Variants in PAPPA2 observed in about 807,000 individuals in gnomAD.
The protein encoded by PAPPA2 is pappalysin-2.
A neutral mutation model predicts 176.4 loss-of-function variants in PAPPA2; 86 were observed. The observed-to-expected ratio is 0.49, with a 90% confidence interval of 0.41 to 0.58. The LOEUF is 0.58. Among genes scored for constraint, PAPPA2 ranks in the 20% least tolerant of loss-of-function variants. PAPPA2 has a pLI of 0.00. For missense variants in PAPPA2, 2,073 were observed against 2,256.9 expected, an observed-to-expected ratio of 0.92 and a Z score of 1.65; for synonymous variants, 809 against 852.2, an observed-to-expected ratio of 0.95 and a Z score of 0.88.
Position 176,834,491 on chromosome 1 carries a change from T to C in PAPPA2, c.5203-5682T>C, listed in dbSNP as rs183047560. Among the ~76,000 whole-genome samples the C allele has an allele frequency of 6.6e-5, 10 of 152,282 alleles. No individual in the cohort carries two copies. In the East Asian group the frequency reaches 1.9e-3, roughly 29 times the overall value. The stretch of plus-strand genomic sequence containing the variant: ...GCAGCAAAACGTCTGGTTTTAGCAT[T>C]CTGAGTCTTGGAAATAAGTGTTTCT... On this transcript the variant is annotated intron_variant, in intron 21 of 22. Coordinates refer to ENST00000367662, the MANE Select transcript of PAPPA2 (RefSeq NM_020318.3).
chr1:176,480,211 G>T (rs1652327621), intron 1 of PAPPA2, among the ~76,000 whole-genome samples: 1 of 152,166 alleles, frequency 6.6e-6, no homozygotes, highest in Admixed American at 6.5e-5. Flanking sequence ...GCCCAGCTTG[G>T]CTTGGCAGTA....
chr1:176,586,322 A>C (rs1270452624), intron 2 of PAPPA2, among the ~76,000 whole-genome samples: 1 of 151,994 alleles, frequency 6.6e-6, no homozygotes, highest in Admixed American at 6.6e-5. Flanking sequence ...TTTTTATTAG[A>C]TATTTTTCTT....
chr1:176,559,676 A>G (rs1651542399), intron 2 of PAPPA2, among the ~76,000 whole-genome samples: 1 of 152,150 alleles, frequency 6.6e-6, no homozygotes. Flanking sequence ...GTCTATTCCT[A>G]CGATGGCTGG....
At chr1:176,612,725 A>G (rs1240485771) in intron 3 of PAPPA2, among the ~76,000 whole-genome samples, 1 of 152,198 alleles carries the variant, frequency 6.6e-6, no homozygotes, top group Non-Finnish European at 1.5e-5. Context: ...TTATGCAAAA[A>G]TCCAGTATCA....
intron 3 of PAPPA2, among the ~76,000 whole-genome samples, chr1:176,653,251 C>T (rs1047507656): frequency 3.3e-5 from 5 of 151,722 alleles, no homozygotes; most frequent in African/African-American, 7.3e-5. Context: ...TCATCTCATT[C>T]AGCACTCTTA....
At chr1:176,827,822 A>T (rs189026608) in intron 21 of PAPPA2, among the ~76,000 whole-genome samples, 3 of 152,312 alleles carry the variant, frequency 2.0e-5, no homozygotes, top group Admixed American at 2.0e-4. Context: ...GGCTTATAGT[A>T]AAATAGATGT....
chr1:176,839,636 A>G (rs1557904927), intron 21 of PAPPA2, among the ~76,000 whole-genome samples: 1 of 152,174 alleles, frequency 6.6e-6, no homozygotes, highest in South Asian at 2.1e-4. Context: ...TCTTCAGTGC[A>G]CCAGGAGAGG....
rs1219408573 is a variant in PAPPA2, at chr1:176,622,385, G to A, written c.1991+26790G>A. 3.3e-5 allele frequency among the ~76,000 whole-genome samples: 5 copies of A among 152,116 alleles called. No homozygotes were observed. The East Asian group carries it at 9.6e-4, about 29-fold the overall frequency. On this transcript the variant is annotated intron_variant, in intron 3 of 22. Coordinates refer to ENST00000367662, the MANE Select transcript of PAPPA2 (RefSeq NM_020318.3). ...TCTCACAGTTTGCTAGGATAATATA[G>A]CATACAGAACATGGTAGGTACTCAA...
At chr1:176,577,302 T>A (rs924235900) in intron 2 of PAPPA2, among the ~76,000 whole-genome samples, 14 of 152,170 alleles carry the variant, frequency 9.2e-5, no homozygotes, top group Non-Finnish European at 2.9e-5. Flanking sequence ...ATCTGCTTCA[T>A]TGACTTCCAC....
At chr1:176,821,608 C>T (rs764365693) in intron 21 of PAPPA2, among the ~76,000 whole-genome samples, 6 of 152,300 alleles carry the variant, frequency 3.9e-5, no homozygotes, top group South Asian at 2.1e-4. Flanking sequence ...TAGAGTTTCA[C>T]GGTTAGCAGC....
intron 17 of PAPPA2, among the ~76,000 whole-genome samples, chr1:176,772,219 ATAGTAGCTATTCTT>A (rs1664262466): frequency 6.6e-6 from 1 of 152,234 alleles, no homozygotes; most frequent in South Asian, 2.1e-4. Flanking sequence ...CATTTAGGAA[ATAGTAGCTATTCTT>A]TCTCTACCGT....
At chr1:176,652,170 G>C (rs74127217) in intron 3 of PAPPA2, among the ~76,000 whole-genome samples, 3,568 of 151,402 alleles carry the variant, frequency 0.024, 142 homozygotes, top group African/African-American at 0.082. Flanking sequence ...TTCATTTTTG[G>C]GGGCAGGGCG....
intron 21 of PAPPA2, among the ~76,000 whole-genome samples, chr1:176,827,537 A>T (rs1185558442): frequency 2.0e-5 from 3 of 152,136 alleles, no homozygotes; most frequent in African/African-American, 7.2e-5. Context: ...GCCTTTCTAA[A>T]ATGCTCCAGG....
intron 2 of PAPPA2, among the ~76,000 whole-genome samples, chr1:176,558,795 T>C (rs1298944814): frequency 6.6e-6 from 1 of 152,146 alleles, no homozygotes; most frequent in Non-Finnish European, 1.5e-5. Flanking sequence ...GCTTGCAGTC[T>C]AGACTAAGAC....
At chr1:176,660,095 C>T (rs1658273476) in intron 3 of PAPPA2, among the ~76,000 whole-genome samples, 1 of 152,098 alleles carries the variant, frequency 6.6e-6, no homozygotes, top group Non-Finnish European at 1.5e-5. Context: ...TTTTAGTCTA[C>T]CTCTTCTGGG....
At chr1:176,505,651 CAT>C (rs1648215144) in intron 1 of PAPPA2, among the ~76,000 whole-genome samples, 2 of 151,850 alleles carry the variant, frequency 1.3e-5, no homozygotes, top group African/African-American at 4.8e-5. Flanking sequence ...TTCTAAAATT[CAT>C]ATGGAACAGC....
chr1:176,783,189 T>C (rs1456846182), intron 17 of PAPPA2, among the ~76,000 whole-genome samples: 1 of 152,150 alleles, frequency 6.6e-6, no homozygotes, highest in Non-Finnish European at 1.5e-5. Context: ...ATAGTATAGA[T>C]GTATATTTTC....
chr1:176,522,670 C>T (rs1230247073), intron 1 of PAPPA2, among the ~76,000 whole-genome samples: 1 of 152,226 alleles, frequency 6.6e-6, no homozygotes, highest in African/African-American at 2.4e-5. Context: ...GAAAAGCAAA[C>T]ATAATAAACC....
At chr1:176,486,017 TA>T (rs1374157773) in intron 1 of PAPPA2, among the ~76,000 whole-genome samples, 2 of 152,196 alleles carry the variant, frequency 1.3e-5, no homozygotes, top group African/African-American at 4.8e-5. Flanking sequence ...TGGAAGAAAC[TA>T]ATGGAAGTTA....
Sources: allele counts gnomAD v4.1 joint callset (sites outside exome capture counted in the v4.1 genomes callset), GRCh38; gene constraint gnomAD v4.1.1; transcripts MANE v1.5; gene names NCBI Gene and HGNC (gene_info 2026-07-23, HGNC 2026-07-21).